Variants in SKAP1 observed in about 807,000 individuals in gnomAD.
SKAP1 encodes src kinase-associated phosphoprotein 1.
A neutral mutation model predicts 58.5 loss-of-function variants in SKAP1; 44 were observed. The ratio of observed to expected loss-of-function variants is 0.75; its 90% CI spans 0.59 to 0.97. SKAP1 has a LOEUF of 0.97. Among genes scored for constraint, SKAP1 ranks in the 50% least tolerant of loss-of-function variants. The pLI is 0.00. For missense variants in SKAP1, 390 were observed against 435.2 expected (o/e 0.90, Z 0.92); for synonymous variants, 127 against 149.7 (o/e 0.85, Z 1.11).
At chr17:48,363,850 C>A in intron 2 of SKAP1, 36 bp from the exon 3 acceptor site, 2 of 1,590,454 alleles carry the variant, frequency 1.3e-6, no homozygotes, top group South Asian at 1.1e-5. Context: ...GGGAATAAGT[C>A]AAACTTGTAT....
intron 11 of SKAP1, chr17:48,156,596 G>C (rs1212637188): frequency 9.1e-6 from 3 of 328,714 alleles, no homozygotes; most frequent in African/African-American, 6.7e-5. Context: ...TGGATGCACA[G>C]ATCTGCTTCG....
At chr17:48,342,733 G>C (rs906423150) in intron 4 of SKAP1, among the ~76,000 whole-genome samples, 5 of 152,184 alleles carry the variant, frequency 3.3e-5, no homozygotes, top group African/African-American at 4.8e-5. Flanking sequence ...GAATGTTAAA[G>C]AGGAATATCT....
At chr17:48,208,435 T>C (rs1014862191) in intron 4 of SKAP1, among the ~76,000 whole-genome samples, 32 of 152,182 alleles carry the variant, frequency 2.1e-4, no homozygotes, top group African/African-American at 7.7e-4. Context: ...CAAGTGTCAG[T>C]AGCTCATGTG....
intron 11 of SKAP1, among the ~76,000 whole-genome samples, chr17:48,158,947 G>A (rs12373126): frequency 0.037 from 5,499 of 147,358 alleles, 116 homozygotes; most frequent in South Asian, 0.055. Context: ...GCAACAGAGC[G>A]AGACGCCTTC....
chr17:48,182,323 G>T, intron 8 of SKAP1, 71 bp downstream of exon 8: 1 of 1,122,406 alleles, frequency 8.9e-7, no homozygotes, highest in Non-Finnish European at 1.3e-6. Flanking sequence ...GAAGTCTGTA[G>T]ATTATATTTA....
chr17:48,168,181 A>G (rs2064163986), intron 10 of SKAP1, among the ~76,000 whole-genome samples: 1 of 152,226 alleles, frequency 6.6e-6, no homozygotes, highest in Non-Finnish European at 1.5e-5. Flanking sequence ...TTAGGCCTTC[A>G]GAATGTTAGC....
At chr17:48,375,435 G>A (rs2067139256) in intron 2 of SKAP1, among the ~76,000 whole-genome samples, 1 of 152,126 alleles carries the variant, frequency 6.6e-6, no homozygotes, top group South Asian at 2.1e-4. Context: ...TTTGCTACAT[G>A]GAATCATTGC....
chr17:48,213,831 C>G (rs1389836725), intron 4 of SKAP1, among the ~76,000 whole-genome samples: 1 of 152,184 alleles, frequency 6.6e-6, no homozygotes, highest in Non-Finnish European at 1.5e-5. Context: ...ATCTGTCAGT[C>G]TATCCACACA....
chr17:48,136,030 A>G (rs368575452), intron 12 of SKAP1, among the ~76,000 whole-genome samples: 1 of 152,200 alleles, frequency 6.6e-6, no homozygotes. Context: ...GAATCTCCCA[A>G]TTCTAAGCTG....
chr17:48,154,302 C>A (rs2063942903), intron 11 of SKAP1, among the ~76,000 whole-genome samples: 1 of 152,200 alleles, frequency 6.6e-6, no homozygotes, highest in Non-Finnish European at 1.5e-5. Flanking sequence ...CACATAAGAC[C>A]CATGACCATC....
chr17:48,268,199 A>G (rs752754941), intron 4 of SKAP1, among the ~76,000 whole-genome samples: 3 of 152,210 alleles, frequency 2.0e-5, no homozygotes, highest in Middle Eastern at 6.8e-3. Context: ...GTCCTGGGCA[A>G]CCAAACAATC....
chr17:48,334,488 C>T (rs1284611654), intron 4 of SKAP1, among the ~76,000 whole-genome samples: 1 of 151,788 alleles, frequency 6.6e-6, no homozygotes, highest in Non-Finnish European at 1.5e-5. Context: ...ACAGGTATAA[C>T]TAAAGGCCAT....
intron 4 of SKAP1, among the ~76,000 whole-genome samples, chr17:48,262,530 T>C (rs2065496618): frequency 6.6e-6 from 1 of 152,236 alleles, no homozygotes; most frequent in African/African-American, 2.4e-5. Flanking sequence ...TAAAGTATTA[T>C]AGTATATTTC....
Position 48,184,744 on chromosome 17 carries a change from G to C in SKAP1, c.546C>G (p.Ser182=). The change falls in exon 7 of 13, where the codon TCC becomes TCG. Residue 182 remains serine, a synonymous_variant. Coordinates refer to ENST00000336915, the MANE Select transcript of SKAP1 (RefSeq NM_003726.4). The part of the protein sequence containing the change: ...SKKESCFELT[S]QDRRSYEFTA... ...CTACCTCATAGCTGCGCCTATCCTG[G>C]GAGGTCAGTTCAAAGCAGGATTCTT... 1 of 1,614,038 alleles carries C rather than the reference G, an allele frequency of 6.2e-7. No individual in the cohort carries two copies. The highest frequency in any genetic ancestry group is 8.5e-7 in the Non-Finnish European group (1 of 1,179,946).
intron 11 of SKAP1, among the ~76,000 whole-genome samples, chr17:48,149,422 G>T (rs1213056200): frequency 6.6e-6 from 1 of 152,134 alleles, no homozygotes; most frequent in Non-Finnish European, 1.5e-5. Flanking sequence ...AGAAAATTAG[G>T]ATTCCTTTTG....
intron 2 of SKAP1, 74 bp downstream of exon 2, chr17:48,396,606 T>G: frequency 1.0e-6 from 1 of 968,032 alleles, no homozygotes; most frequent in South Asian, 1.4e-5. Context: ...TGTCTTACCT[T>G]GTGACTTTAT....
intron 4 of SKAP1, among the ~76,000 whole-genome samples, chr17:48,190,913 A>T (rs974122163): frequency 1.3e-5 from 2 of 152,230 alleles, no homozygotes; most frequent in African/African-American, 4.8e-5. Context: ...TGAATGCGGG[A>T]GGCGGAGGTT....
intron 4 of SKAP1, among the ~76,000 whole-genome samples, chr17:48,345,383 G>T (rs2066710248): frequency 6.6e-6 from 1 of 152,188 alleles, no homozygotes; most frequent in Admixed American, 6.5e-5. Flanking sequence ...TTCACACTGT[G>T]GTTCTTGTGG....
intron 8 of SKAP1, among the ~76,000 whole-genome samples, chr17:48,180,728 A>T (rs947436468): frequency 6.6e-6 from 1 of 152,208 alleles, no homozygotes; most frequent in African/African-American, 2.4e-5. Flanking sequence ...TCACTGCAGA[A>T]TTTCAGACAA....
Sources: allele counts gnomAD v4.1 joint callset (sites outside exome capture counted in the v4.1 genomes callset), GRCh38; gene constraint gnomAD v4.1.1; transcripts MANE v1.5; gene names NCBI Gene and HGNC (gene_info 2026-07-23, HGNC 2026-07-21).